UBAP1L: variants seen among roughly 807,000 people sequenced by gnomAD.
The protein encoded by UBAP1L is ubiquitin-associated protein 1-like.
UBAP1L carries 32 observed loss-of-function variants against 32.1 expected under a neutral mutation model. The ratio of observed to expected loss-of-function variants is 1.00; its 90% confidence interval spans 0.75 to 1.34. The LOEUF is 1.34. Among genes scored for constraint, UBAP1L ranks in the 40% most tolerant of loss-of-function variants. UBAP1L has a pLI of 0.00. For missense variants in UBAP1L, 516 were observed against 540.5 expected, an observed-to-expected ratio of 0.95 and a Z score of 0.45; for synonymous variants, 243 against 250.2, an observed-to-expected ratio of 0.97 and a Z score of 0.27.
At chr15:65,101,392 C>G (rs563632721) in intron 3 of UBAP1L, 1 of 152,336 alleles carries the variant, frequency 6.6e-6, no homozygotes, top group African/African-American at 2.4e-5. Context: ...GAGCCTGAGG[C>G]TTAAGCTTCT....
chr15:65,099,140 TGTG>T, intron 4 of UBAP1L: 39 of 212,938 alleles, frequency 1.8e-4, no homozygotes, highest in Admixed American at 3.2e-4. Flanking sequence ...AGAACCTGCG[TGTG>T]GTAGACTCTG....
In UBAP1L at chr15:65,106,303, A is replaced by C; in HGVS notation, c.-88T>G. 7.4e-7 allele frequency: 1 copy of C among 1,358,814 alleles called. No homozygotes were observed. Among genetic ancestry groups the C allele is most frequent in the Non-Finnish European group, 9.5e-7 (1 of 1,054,292 alleles). 84.2% of individuals were successfully genotyped at this position (1,358,814 alleles called of 1,614,324 possible). On this transcript the variant is annotated 5_prime_UTR_variant, in exon 2 of 6. Transcript: ENST00000559089. ...GAGTCGAGTCCTGAGGACCAGGCTC[A>C]GGCCTCAAATGGCCTCACTGCTCTC...
Position 65,112,128 on chromosome 15 carries a change from A to C in UBAP1L, c.-174+3022T>G, listed in dbSNP as rs1374288464. Among the ~76,000 whole-genome samples the C allele has an allele frequency of 3.3e-5, 5 of 152,342 alleles. No individual in the cohort carries two copies. The East Asian group carries it at 9.6e-4, about 29-fold the overall frequency. ...GTCTAGTCCTTATGGGCATTGGAGA[A>C]GCTTCAGGAAGTAGATGGGACTTGG... On this transcript the variant is annotated intron_variant, in intron 1 of 5. Transcript: ENST00000559089.
intron 2 of UBAP1L, chr15:65,105,867 T>G (rs1010091704): frequency 5.9e-5 from 41 of 698,946 alleles, no homozygotes; most frequent in Non-Finnish European, 9.4e-5. Context: ...CTTGGTTCAC[T>G]GCAACCTCCA....
intron 1 of UBAP1L, among the ~76,000 whole-genome samples, chr15:65,106,637 CT>C (rs35095335): frequency 0.64 from 76,572 of 119,630 alleles, 23,856 homozygotes; most frequent in East Asian, 0.91. Flanking sequence ...TTAGCATAAC[CT>C]TTTTTTTTTT....
At chr15:65,113,277 A>G (rs2140573278) in intron 1 of UBAP1L, among the ~76,000 whole-genome samples, 1 of 152,314 alleles carries the variant, frequency 6.6e-6, no homozygotes, top group Middle Eastern at 3.4e-3. Context: ...GCTGTTTTCA[A>G]AATAAAAATT....
chr15:65,102,043 C>T lies in UBAP1L; in HGVS notation c.699+63G>A. ...GACCGAGGCTGCGGGCTGGGCTGGA[C>T]ACCCAGATTATGGGGCCTGGGCTGC... On this transcript the variant is annotated intron_variant, in intron 3 of 5. Coordinates refer to ENST00000559089, the MANE Select transcript of UBAP1L (RefSeq NM_001163692.2). This position sits in a 1 kb window ranked among gnomAD's most constrained non-coding sequence, Gnocchi z 5.0. 4.0e-6 allele frequency: 3 copies of T among 750,936 alleles called. No homozygotes were observed. Among genetic ancestry groups the T allele is most frequent in the Non-Finnish European group, 5.4e-6 (3 of 557,862 alleles). 46.5% of individuals were successfully genotyped at this position (750,936 alleles called of 1,614,324 possible).
At chr15:65,105,393 C>A (rs955410762) in intron 2 of UBAP1L, 1 of 285,432 alleles carries the variant, frequency 3.5e-6, no homozygotes, top group Non-Finnish European at 6.7e-6. Flanking sequence ...GTGGGAGGAT[C>A]GCTTGAGCCC....
At chr15:65,109,857 C>G (rs1467863071) in intron 1 of UBAP1L, among the ~76,000 whole-genome samples, 1 of 152,182 alleles carries the variant, frequency 6.6e-6, no homozygotes, top group African/African-American at 2.4e-5. Flanking sequence ...ATCTATAACT[C>G]TCATTCACTG....
At chr15:65,113,490 G>A (rs1287981819) in intron 1 of UBAP1L, among the ~76,000 whole-genome samples, 2 of 152,150 alleles carry the variant, frequency 1.3e-5, no homozygotes, top group Admixed American at 1.3e-4. Context: ...GCTCACATCT[G>A]TAATCCCAGC....
chr15:65,108,911 C>T (rs894857645), intron 1 of UBAP1L, among the ~76,000 whole-genome samples: 1 of 151,986 alleles, frequency 6.6e-6, no homozygotes, highest in East Asian at 1.9e-4. Flanking sequence ...AATCCCAGCA[C>T]TTTGGGAGGC....
rs752865834 is a variant in UBAP1L, at chr15:65,093,138, G to A, written c.1105C>T (p.Arg369Ter). The change falls in exon 6 of 6, where the codon CGA becomes TGA. Residue 369 changes from arginine (R) to a stop codon, truncating the protein, a stop_gained. Coordinates refer to ENST00000559089, the MANE Select transcript of UBAP1L (RefSeq NM_001163692.2). LOFTEE classifies it high-confidence loss of function. ...KEVLLVHGNRREQALEELVAC... is the reference protein window; with the variant it reads ...KEVLLVHGNR ...ACCAGCTCCTCCAGGGCTTGCTCTC[G>A]GCGGTTGCCATGGACCAGCAGCACC... The A allele has an allele frequency of 6.5e-5, 100 of 1,549,754 alleles. No individual in the cohort carries two copies. Among genetic ancestry groups the A allele is most frequent in the South Asian group, 1.7e-4 (14 of 84,022 alleles).
intron 1 of UBAP1L, among the ~76,000 whole-genome samples, chr15:65,106,790 G>A (rs2087317263): frequency 6.6e-6 from 1 of 152,002 alleles, no homozygotes; most frequent in East Asian, 1.9e-4. Context: ...ACAGGCTTGT[G>A]CCACCACACC....
Position 65,109,294 on chromosome 15 carries a change from TA to T in UBAP1L, c.-173-2907del, listed in dbSNP as rs1342596132. Reference sequence around the variant, plus strand: ...GTCAGGAGATCGAGACCATTCTGGCTAACATGGTGAAACCCCGTCTCTACTA... The same window carrying T: ...GTCAGGAGATCGAGACCATTCTGGCTACATGGTGAAACCCCGTCTCTACTA... On this transcript the variant is annotated intron_variant, in intron 1 of 5. Transcript: ENST00000559089. Among the ~76,000 whole-genome samples, 5 of 151,612 alleles carry T rather than the reference TA, an allele frequency of 3.3e-5. No individual in the cohort carries two copies. In the South Asian group the frequency reaches 1.0e-3, roughly 32 times the overall value.
chr15:65,107,042 A>C (rs980744022), intron 1 of UBAP1L, among the ~76,000 whole-genome samples: 3 of 152,240 alleles, frequency 2.0e-5, no homozygotes, highest in Non-Finnish European at 4.4e-5. Flanking sequence ...TTATGGGTAG[A>C]ATAATATAAC....
At chr15:65,111,261 G>C (rs756131236) in intron 1 of UBAP1L, among the ~76,000 whole-genome samples, 8 of 152,182 alleles carry the variant, frequency 5.3e-5, no homozygotes, top group Non-Finnish European at 1.2e-4. Flanking sequence ...GGAAAGTTCA[G>C]CAAGTTTTGG....
At chr15:65,105,969 GT>G in intron 2 of UBAP1L, 126 bp downstream of exon 2, 1 of 1,346,776 alleles carries the variant, frequency 7.4e-7, no homozygotes, top group Non-Finnish European at 1.0e-6. Context: ...TTTTTGTATT[GT>G]TAGTAGATAC....
chr15:65,097,458 G>A (rs1233534147), intron 4 of UBAP1L: 1 of 152,226 alleles, frequency 6.6e-6, no homozygotes, highest in Non-Finnish European at 1.5e-5. Context: ...TTCTCACACA[G>A]AAAATGAGAT....
At chr15:65,113,230 A>C (rs2087380471) in intron 1 of UBAP1L, among the ~76,000 whole-genome samples, 1 of 152,088 alleles carries the variant, frequency 6.6e-6, no homozygotes, top group South Asian at 2.1e-4. Flanking sequence ...AACAAAACTA[A>C]GGCACTCTCC....
Sources: gnomAD v4.1 joint callset for allele counts (sites outside exome capture counted in the v4.1 genomes callset) on GRCh38, gnomAD v4.1.1 for gene constraint, Gnocchi (gnomAD v3.1) non-coding constraint, MANE v1.5 for transcripts, NCBI Gene and HGNC (gene_info 2026-07-23, HGNC 2026-07-21) for gene names.